The following CACNA2D2 variants were observed in gnomAD, a reference collection of about 807,000 sequenced individuals.
CACNA2D2 encodes the protein voltage-dependent calcium channel subunit alpha-2/delta-2.
In CACNA2D2, 48 loss-of-function variants were observed where a neutral mutation model predicts 166.4. The observed-to-expected ratio is 0.29, with a 90% CI of 0.23 to 0.37. The LOEUF (loss-of-function observed/expected upper bound fraction) is 0.37. CACNA2D2 is among the 10% of genes least tolerant of loss of function. The pLI is 1.00. For missense variants in CACNA2D2, 1,122 were observed against 1,433.0 expected (o/e 0.78, Z 3.50); for synonymous variants, 561 against 573.7 (o/e 0.98, Z 0.32).
intron 1 of CACNA2D2, among the ~76,000 whole-genome samples, chr3:50,497,280 G>T (rs1401272314): frequency 1.3e-5 from 2 of 152,206 alleles, no homozygotes; most frequent in African/African-American, 4.8e-5. Context: ...CTGAGGCCCA[G>T]GGGGAGGAGG....
chr3:50,453,247 A>C (rs1709191345), intron 2 of CACNA2D2, among the ~76,000 whole-genome samples: 1 of 152,118 alleles, frequency 6.6e-6, no homozygotes, highest in East Asian at 1.9e-4. Flanking sequence ...GCCTTCCCTA[A>C]ACCCCCTGGT....
chr3:50,381,196 C>T, intron 6 of CACNA2D2, 70 bp from the exon 7 acceptor site: 2 of 1,547,802 alleles, frequency 1.3e-6, no homozygotes, highest in Non-Finnish European at 1.8e-6. Flanking sequence ...CACCACGACA[C>T]TCATGCCTGT....
chr3:50,476,286 C>T, intron 1 of CACNA2D2, 87 bp from the exon 2 acceptor site: 3 of 1,001,328 alleles, frequency 3.0e-6, no homozygotes, highest in South Asian at 1.4e-5. Context: ...GCACTGGGGG[C>T]AACTATCCAC....
At chr3:50,368,007 G>A in intron 24 of CACNA2D2, 105 bp from the exon 25 acceptor site, 3 of 1,136,924 alleles carry the variant, frequency 2.6e-6, no homozygotes, top group South Asian at 1.3e-5. Context: ...TCCATGACCT[G>A]GCCCTGGCCC....
chr3:50,454,488 C>T (rs1431568176), intron 2 of CACNA2D2, among the ~76,000 whole-genome samples: 3 of 152,150 alleles, frequency 2.0e-5, no homozygotes, highest in Admixed American at 6.5e-5. Context: ...CCGAGGAGAG[C>T]GGAGCCTCCA....
intron 3 of CACNA2D2, among the ~76,000 whole-genome samples, chr3:50,399,690 C>T (rs1706349178): frequency 6.6e-6 from 1 of 152,160 alleles, no homozygotes; most frequent in Non-Finnish European, 1.5e-5. Flanking sequence ...AGTGTAGCTG[C>T]CCCAGACCCC....
chr3:50,367,690 G>T lies in CACNA2D2; in HGVS notation c.2249C>A (p.Ala750Asp), dbSNP rs1411979895. 1.2e-6 allele frequency: 2 copies of T among 1,612,628 alleles called. No homozygotes were observed. Among genetic ancestry groups the T allele is most frequent in the Non-Finnish European group, 1.7e-6 (2 of 1,179,180 alleles). Residue 750 changes from alanine (A) to aspartate (D), a missense_variant, in exon 26 of 38, where the codon GCC becomes GAC. This residue lies in a region of CACNA2D2 where 840 missense variants were observed against 1,166.8 expected (regional missense o/e 0.72). Coordinates refer to ENST00000424201, the MANE Select transcript of CACNA2D2 (RefSeq NM_006030.4). The surrounding 1 kb of genome is among the most constrained non-coding windows in gnomAD (Gnocchi z 6.5). ...DQDLNTYSLL[A>D]VFAATDGGIT... ...GCCACCGTCTGTGGCAGCGAACACGGCCAGTAGGCTGTACCTGGGGGTAGC... is the reference window on the plus strand; with the variant it reads ...GCCACCGTCTGTGGCAGCGAACACGTCCAGTAGGCTGTACCTGGGGGTAGC...
Position 50,379,068 on chromosome 3 carries a change from G to T in CACNA2D2, c.1260+24C>A. On this transcript the variant is annotated intron_variant, in intron 12 of 37. Transcript: ENST00000424201. The surrounding 1 kb of genome is among the most constrained non-coding windows in gnomAD (Gnocchi z 6.5). Reference sequence around the variant, plus strand: ...TCTGTACTGGGCCCAGGTCAGGGTAGCCCCTGCCTCGGTTGAGCCTCACCG... The same window carrying T: ...TCTGTACTGGGCCCAGGTCAGGGTATCCCCTGCCTCGGTTGAGCCTCACCG... 6.2e-7 allele frequency: 1 copy of T among 1,612,802 alleles called. No homozygotes were observed. Among genetic ancestry groups the T allele is most frequent in the Non-Finnish European group, 8.5e-7 (1 of 1,178,946 alleles).
chr3:50,365,135 C>A lies in CACNA2D2; in HGVS notation c.3148G>T (p.Ala1050Ser). The change falls in exon 36 of 38, where the codon GCC becomes TCC. Residue 1050 changes from alanine (A) to serine (S), a missense_variant. Physicochemically the swap from Ala to Ser is moderately conservative, Grantham distance 99. Around this residue, in one of 2 missense-constraint regions of CACNA2D2, gnomAD observed 282 missense variants for 266.2 expected, o/e 1.06. Transcript: ENST00000424201. The surrounding 1 kb of genome is among the most constrained non-coding windows in gnomAD (Gnocchi z 4.5). The part of the protein sequence containing the change: ...LTNTNLLFVV[A>S]EKPLCSQCEA... Reference sequence around the variant, plus strand: ...CACTGGCTGCACAGCGGCTTCTCGGCCACCACAAAGAGAAGATTGGTGTTG... The same window carrying A: ...CACTGGCTGCACAGCGGCTTCTCGGACACCACAAAGAGAAGATTGGTGTTG... 1.2e-6 allele frequency: 2 copies of A among 1,612,172 alleles called. No homozygotes were observed. The highest frequency in any genetic ancestry group is 1.7e-6 in the Non-Finnish European group (2 of 1,179,720).
rs897021421 is a variant in CACNA2D2, at chr3:50,484,857, G to A, written c.207-8658C>T. Among the ~76,000 whole-genome samples the A allele has an allele frequency of 1.3e-4, 20 of 152,334 alleles. 1 individual carries two copies. The highest frequency in any genetic ancestry group is 6.5e-4 in the Admixed American group (10 of 15,306). The stretch of plus-strand genomic sequence containing the variant: ...TATACCTCCCCAGAGTCCTGCTGAC[G>A]TCCCAGCCCTCCTGTCCAGCTTGTG... On this transcript the variant is annotated intron_variant, in intron 1 of 37. Coordinates refer to ENST00000424201, the MANE Select transcript of CACNA2D2 (RefSeq NM_006030.4).
intron 6 of CACNA2D2, among the ~76,000 whole-genome samples, chr3:50,383,481 T>C (rs1255615574): frequency 6.6e-6 from 1 of 152,204 alleles, no homozygotes; most frequent in African/African-American, 2.4e-5. Context: ...CATCCAGTGT[T>C]TGACTCTTGG....
chr3:50,373,669 A>G, intron 22 of CACNA2D2, among the ~76,000 whole-genome samples: 1 of 112,442 alleles, frequency 8.9e-6, no homozygotes, highest in Non-Finnish European at 1.9e-5. Flanking sequence ...AGTGAGAGAG[A>G]GAGATGGAGG....
At chr3:50,443,449 G>A (rs1708699763) in intron 2 of CACNA2D2, among the ~76,000 whole-genome samples, 1 of 152,228 alleles carries the variant, frequency 6.6e-6, no homozygotes, top group African/African-American at 2.4e-5. Flanking sequence ...GGGAAATAGA[G>A]AAACTGGCTG....
intron 2 of CACNA2D2, among the ~76,000 whole-genome samples, chr3:50,468,952 C>T (rs1341512005): frequency 6.6e-6 from 1 of 151,954 alleles, no homozygotes; most frequent in East Asian, 1.9e-4. Context: ...CCTCAGCATC[C>T]CAAGTAGCTG....
At position 50,366,523 on chromosome 3, in the gene CACNA2D2, G is replaced by C; in HGVS notation, c.2637+55C>G. On this transcript the variant is annotated intron_variant, in intron 30 of 37. Transcript: ENST00000424201. The surrounding 1 kb of genome is among the most constrained non-coding windows in gnomAD (Gnocchi z 5.9). ...GTGCTGGGAGTCGCGGCTGGGACTA[G>C]GAAGTCTGGAAGTGGGGTAAGCTAG... 6.3e-7 allele frequency: 1 copy of C among 1,589,046 alleles called. No individual in the cohort carries two copies. Among genetic ancestry groups the C allele is most frequent in the Non-Finnish European group, 8.6e-7 (1 of 1,157,282 alleles).
At chr3:50,433,887 C>T (rs1199170216) in intron 3 of CACNA2D2, among the ~76,000 whole-genome samples, 2 of 152,184 alleles carry the variant, frequency 1.3e-5, no homozygotes, top group Non-Finnish European at 2.9e-5. Flanking sequence ...GCAGAGCCCC[C>T]TCGACACTCC....
intron 21 of CACNA2D2, 39 bp from the exon 22 acceptor site, chr3:50,374,852 C>A (rs750141807): frequency 1.3e-6 from 2 of 1,492,120 alleles, no homozygotes; most frequent in Non-Finnish European, 1.8e-6. Flanking sequence ...TGGGGGGAGG[C>A]GGGCCACACT....
intron 2 of CACNA2D2, among the ~76,000 whole-genome samples, chr3:50,435,593 G>A (rs1708281228): frequency 6.8e-6 from 1 of 147,920 alleles, no homozygotes; most frequent in South Asian, 2.2e-4. Flanking sequence ...AAGGTCGGTA[G>A]AGTGACAGCG....
rs1704238712 is a variant in CACNA2D2, at chr3:50,365,856, C to T, written c.2869G>A (p.Val957Ile). 2.5e-6 allele frequency: 4 copies of T among 1,613,226 alleles called. No homozygotes were observed. The East Asian group carries it at 6.7e-5, about 27-fold the overall frequency. ...CAGGCCAGGTTAAGGAAATCTGCAA[C>T]GGTGGGCTGCAGTGGAGAGAGGGGC... ...AAPRGVFVPTVADFLNLAWWT... is the reference protein window; with the variant it reads ...AAPRGVFVPTIADFLNLAWWT... Residue 957 changes from valine (V) to isoleucine (I), a missense_variant, in exon 33 of 38, where the codon GTT becomes ATT. Physicochemically the swap from Val to Ile is conservative, Grantham distance 29 (BLOSUM62 3). This residue lies in a region of CACNA2D2 where 282 missense variants were observed against 266.2 expected (regional missense o/e 1.06). Coordinates refer to ENST00000424201, the MANE Select transcript of CACNA2D2 (RefSeq NM_006030.4). This position sits in a 1 kb window ranked among gnomAD's most constrained non-coding sequence, Gnocchi z 4.5.
Sources: gnomAD v4.1 joint callset for allele counts (sites outside exome capture counted in the v4.1 genomes callset) on GRCh38, gnomAD v4.1.1 for gene constraint, gnomAD v4.1.1 regional missense constraint, Gnocchi (gnomAD v3.1) non-coding constraint, MANE v1.5 for transcripts, NCBI Gene and HGNC (gene_info 2026-07-23, HGNC 2026-07-21) for gene names.